Variants in EPHA7 observed in about 807,000 individuals in gnomAD.
EPHA7 encodes the protein ephrin type-A receptor 7.
In EPHA7, 25 loss-of-function variants were observed where a neutral mutation model predicts 112.6. The observed-to-expected ratio is 0.22, with a 90% CI of 0.16 to 0.31. The LOEUF is 0.31. EPHA7 is among the 10% of genes least tolerant of loss of function. EPHA7 has a pLI of 1.00. For missense variants in EPHA7, 962 were observed against 1,212.6 expected (o/e 0.79, Z 3.07); for synonymous variants, 437 against 406.5 (o/e 1.07, Z -0.90).
chr6:93,394,119 A>G (rs1778045054), intron 3 of EPHA7, among the ~76,000 whole-genome samples: 1 of 151,816 alleles, frequency 6.6e-6, no homozygotes, highest in South Asian at 2.1e-4. Context: ...AATTAGCTCA[A>G]TTTAATCCAC....
intron 3 of EPHA7, among the ~76,000 whole-genome samples, chr6:93,362,113 T>C (rs187390616): frequency 3.2e-4 from 48 of 152,174 alleles, no homozygotes; most frequent in African/African-American, 1.0e-3. Flanking sequence ...CTTAGGGCCT[T>C]AATGAATAAA....
intron 5 of EPHA7, among the ~76,000 whole-genome samples, chr6:93,341,705 AC>A (rs1277532520): frequency 2.0e-5 from 3 of 151,836 alleles, no homozygotes; most frequent in Admixed American, 6.6e-5. Flanking sequence ...GCAAACTTAC[AC>A]CAGCAAACTG....
intron 3 of EPHA7, among the ~76,000 whole-genome samples, chr6:93,371,382 T>C (rs2127960339): frequency 6.6e-6 from 1 of 152,262 alleles, no homozygotes; most frequent in East Asian, 1.9e-4. Flanking sequence ...TAGAGATTAT[T>C]TAAAGTATAG....
At chr6:93,397,389 G>A (rs890384660) in intron 3 of EPHA7, among the ~76,000 whole-genome samples, 6 of 151,876 alleles carry the variant, frequency 4.0e-5, no homozygotes, top group Non-Finnish European at 5.9e-5. Context: ...ATGGGAGCCA[G>A]AAGCACCAGG....
At chr6:93,368,582 T>C (rs774267669) in intron 3 of EPHA7, among the ~76,000 whole-genome samples, 6 of 152,092 alleles carry the variant, frequency 3.9e-5, no homozygotes, top group South Asian at 4.1e-4. Flanking sequence ...GAGTGGCTTG[T>C]CAATAATTAA....
intron 5 of EPHA7, among the ~76,000 whole-genome samples, chr6:93,324,387 C>G (rs1166996531): frequency 6.6e-6 from 1 of 151,266 alleles, no homozygotes; most frequent in Admixed American, 6.6e-5. Flanking sequence ...AACATCAGTG[C>G]CACTAGATTT....
chr6:93,303,757 T>G (rs1351677143), intron 5 of EPHA7, among the ~76,000 whole-genome samples: 2 of 152,066 alleles, frequency 1.3e-5, no homozygotes, highest in Non-Finnish European at 2.9e-5. Context: ...AAATGATAGG[T>G]GAAGTTATAT....
At chr6:93,256,075 T>C in intron 12 of EPHA7, 38 bp from the exon 13 acceptor site, 5 of 1,583,986 alleles carry the variant, frequency 3.2e-6, no homozygotes, top group Non-Finnish European at 4.3e-6. Flanking sequence ...GTTAACTGCA[T>C]ACTTTAAAAG....
intron 5 of EPHA7, among the ~76,000 whole-genome samples, chr6:93,292,199 C>A (rs1772416196): frequency 6.6e-6 from 1 of 152,038 alleles, no homozygotes; most frequent in East Asian, 1.9e-4. Flanking sequence ...GTCATTTTGT[C>A]CAAGTTGCTA....
intron 5 of EPHA7, among the ~76,000 whole-genome samples, chr6:93,314,045 T>C (rs967045870): frequency 2.0e-5 from 3 of 152,190 alleles, no homozygotes; most frequent in African/African-American, 7.2e-5. Context: ...CTTCTATGTC[T>C]TACAGTCCAC....
chr6:93,249,788 T>A (rs953840148), intron 14 of EPHA7, among the ~76,000 whole-genome samples: 75 of 152,310 alleles, frequency 4.9e-4, no homozygotes, highest in African/African-American at 1.7e-3. Context: ...AATCTTATCA[T>A]GCCCTCTTGA....
At chr6:93,403,590 T>C (rs1046011079) in intron 3 of EPHA7, among the ~76,000 whole-genome samples, 5 of 150,936 alleles carry the variant, frequency 3.3e-5, no homozygotes, top group Non-Finnish European at 5.9e-5. Flanking sequence ...TAGTGTGCTA[T>C]GATCTACTAT....
chr6:93,261,164 A>C (rs1300225709), intron 9 of EPHA7, among the ~76,000 whole-genome samples: 3 of 151,596 alleles, frequency 2.0e-5, no homozygotes, highest in Non-Finnish European at 4.4e-5. Flanking sequence ...GTAGGAGGAA[A>C]CAAAATGTAA....
chr6:93,300,326 T>C (rs1422806831), intron 5 of EPHA7, among the ~76,000 whole-genome samples: 1 of 152,082 alleles, frequency 6.6e-6, no homozygotes, highest in Non-Finnish European at 1.5e-5. Context: ...CTTTGTTGAA[T>C]GAAAATGAGA....
intron 3 of EPHA7, among the ~76,000 whole-genome samples, chr6:93,377,589 A>G (rs1777126284): frequency 6.6e-6 from 1 of 152,146 alleles, no homozygotes; most frequent in Non-Finnish European, 1.5e-5. Context: ...AGTTGACAGA[A>G]CTATTGTTAT....
intron 7 of EPHA7, among the ~76,000 whole-genome samples, chr6:93,268,527 T>G (rs1279102345): frequency 6.6e-6 from 1 of 151,894 alleles, no homozygotes; most frequent in East Asian, 1.9e-4. Flanking sequence ...TTGATTAGAA[T>G]TTTGGAGGAA....
chr6:93,414,887 T>C, intron 1 of EPHA7, 120 bp from the exon 2 acceptor site: 1 of 745,928 alleles, frequency 1.3e-6, no homozygotes, highest in Non-Finnish European at 2.2e-6. Context: ...TGTAGTTATT[T>C]ATGTAAATCA....
At position 93,240,385 on chromosome 6, in the gene EPHA7, A is replaced by G. The variant is rs1178427992; in HGVS notation, c.*3041T>C. 1 of 223,018 alleles carries G rather than the reference A, an allele frequency of 4.5e-6. No homozygotes were observed. Among genetic ancestry groups the G allele is most frequent in the Non-Finnish European group, 8.9e-6 (1 of 111,754 alleles). The allele number at this position is 223,018 out of a possible 1,614,324, so 13.8% of individuals were successfully genotyped here. On this transcript the variant is annotated 3_prime_UTR_variant, in exon 17 of 17. Coordinates refer to ENST00000369303, the MANE Select transcript of EPHA7 (RefSeq NM_004440.4). Reference sequence around the variant, plus strand: ...AAAGAGAGGTGAATCACACCATTTTAATTGTCTTAAAAACACGGATAAGAA... The same window carrying G: ...AAAGAGAGGTGAATCACACCATTTTGATTGTCTTAAAAACACGGATAAGAA...
chr6:93,343,775 C>T (rs946322520), intron 5 of EPHA7, among the ~76,000 whole-genome samples: 3 of 151,576 alleles, frequency 2.0e-5, no homozygotes, highest in African/African-American at 7.3e-5. Context: ...AATGAAACAT[C>T]AAAGTAGGCA....
Sources: allele counts gnomAD v4.1 joint callset (sites outside exome capture counted in the v4.1 genomes callset), GRCh38; gene constraint gnomAD v4.1.1; transcripts MANE v1.5; gene names NCBI Gene and HGNC (gene_info 2026-07-23, HGNC 2026-07-21).